MGAT5B: variants seen among roughly 807,000 people sequenced by gnomAD.
MGAT5B encodes the protein alpha-1,6-mannosylglycoprotein 6-beta-N-acetylglucosaminyltransferase B, also known as N-acetylglucosaminyl-transferase Vb.
A neutral mutation model predicts 95.1 loss-of-function variants in MGAT5B; 54 were observed. That is an observed-to-expected ratio of 0.57 (90% CI 0.46 to 0.71). The LOEUF (loss-of-function observed/expected upper bound fraction) is 0.71. Among genes scored for constraint, MGAT5B ranks in the 30% least tolerant of loss-of-function variants. MGAT5B has a pLI of 0.00. For synonymous variants in MGAT5B, 464 were observed against 451.0 expected (o/e 1.03, Z -0.36); for missense variants, 935 against 1,088.6 (o/e 0.86, Z 1.99).
chr17:76,934,301 G>T (rs564487513), intron 12 of MGAT5B, among the ~76,000 whole-genome samples: 1 of 152,200 alleles, frequency 6.6e-6, no homozygotes, highest in Admixed American at 6.5e-5. Context: ...GGACACCAGG[G>T]CACAGTGGGT....
In MGAT5B at chr17:76,918,292, C is replaced by T. The variant is rs1437274981; in HGVS notation, c.1026-6674C>T. On this transcript the variant is annotated intron_variant, in intron 8 of 17. Transcript: ENST00000569840. The surrounding 1 kb of genome is among the most constrained non-coding windows in gnomAD (Gnocchi z 5.1). Reference sequence around the variant, plus strand: ...CTGTGCCTCCATCTGCCTTTGGACTCCCTTTTCCTCTGAGCCAGGGACCCT... The same window carrying T: ...CTGTGCCTCCATCTGCCTTTGGACTTCCTTTTCCTCTGAGCCAGGGACCCT... Among the ~76,000 whole-genome samples, 2 of 151,756 alleles carry T rather than the reference C, an allele frequency of 1.3e-5. No individual in the cohort carries two copies. The highest frequency in any genetic ancestry group is 2.9e-5 in the Non-Finnish European group (2 of 68,022).
chr17:76,892,793 G>A (rs1218309323), intron 3 of MGAT5B, among the ~76,000 whole-genome samples: 1 of 152,228 alleles, frequency 6.6e-6, no homozygotes, highest in Non-Finnish European at 1.5e-5. Context: ...GCCCAGTGAT[G>A]TTATGGGGGC....
At chr17:76,933,327 CT>C (rs1205906486) in intron 12 of MGAT5B, 30 bp downstream of exon 12, 4 of 1,598,074 alleles carry the variant, frequency 2.5e-6, no homozygotes, top group Non-Finnish European at 3.4e-6. Flanking sequence ...CCTGCCCCCT[CT>C]ACCCTCTGCT....
intron 3 of MGAT5B, among the ~76,000 whole-genome samples, chr17:76,895,257 T>C (rs1012623417): frequency 6.6e-6 from 1 of 151,924 alleles, no homozygotes; most frequent in Non-Finnish European, 1.5e-5. Context: ...AATGGGACCA[T>C]CTAGTTGCAG....
chr17:76,869,118 G>C lies in MGAT5B; in HGVS notation c.68+21G>C, dbSNP rs200686681. 17 of 1,612,396 alleles carry C rather than the reference G, an allele frequency of 1.1e-5. No individual in the cohort carries two copies. Among genetic ancestry groups the C allele is most frequent in the South Asian group, 2.2e-5 (2 of 91,030 alleles). ...TTTCGGTAAAGTTCCCTCCTGGTTGGTTTTTTCCCCAGGGGGGCGCCGGGT... is the reference window on the plus strand; with the variant it reads ...TTTCGGTAAAGTTCCCTCCTGGTTGCTTTTTTCCCCAGGGGGGCGCCGGGT... On this transcript the variant is annotated intron_variant, in intron 1 of 17. Coordinates refer to ENST00000569840, the MANE Select transcript of MGAT5B (RefSeq NM_001199172.2). This position sits in a 1 kb window ranked among gnomAD's most constrained non-coding sequence, Gnocchi z 7.0.
chr17:76,931,061 A>G (rs1385302639), intron 10 of MGAT5B, among the ~76,000 whole-genome samples: 1 of 152,230 alleles, frequency 6.6e-6, no homozygotes, highest in East Asian at 1.9e-4. Context: ...TGAACAAAAC[A>G]GAACCATTGT....
rs1568159926 is a variant in MGAT5B at position 76,872,926 on chromosome 17, G to A, written c.144G>A (p.Arg48=). ...MTSLGGQFSA[R]RLGDSPFTIR... is the part of the protein sequence containing the mutation. ...CTCTGGGAGGCCAGTTCTCGGCCCGGCGCCTGGGGGACTCGCCATTCACCA... is the reference window on the plus strand; with the variant it reads ...CTCTGGGAGGCCAGTTCTCGGCCCGACGCCTGGGGGACTCGCCATTCACCA... Residue 48 remains arginine, a synonymous_variant, in exon 2 of 18, where the codon CGG becomes CGA. Coordinates refer to ENST00000569840, the MANE Select transcript of MGAT5B (RefSeq NM_001199172.2). The A allele has an allele frequency of 6.2e-7, 1 of 1,614,156 alleles. No individual in the cohort carries two copies. Among genetic ancestry groups the A allele is most frequent in the Non-Finnish European group, 8.5e-7 (1 of 1,180,050 alleles).
chr17:76,947,716 G>A (rs1430147102), intron 16 of MGAT5B, 114 bp from the exon 17 acceptor site: 1 of 1,406,082 alleles, frequency 7.1e-7, no homozygotes, highest in Non-Finnish European at 9.3e-7. Flanking sequence ...CTGGTATTCA[G>A]TAAGCGCCCA....
Position 76,918,473 on chromosome 17 carries a change from G to A in MGAT5B, c.1026-6493G>A, listed in dbSNP as rs1969021257. ...AAGCAACTCTGGGCTGCTTCTGTTG[G>A]GTACAGGGAGGTCAGTCCATCCTGG... On this transcript the variant is annotated intron_variant, in intron 8 of 17. Transcript: ENST00000569840. This position sits in a 1 kb window ranked among gnomAD's most constrained non-coding sequence, Gnocchi z 5.1. 6.6e-6 allele frequency among the ~76,000 whole-genome samples: 1 copy of A among 152,214 alleles called. No homozygotes were observed. Among genetic ancestry groups the A allele is most frequent in the African/African-American group, 2.4e-5 (1 of 41,468 alleles).
Position 76,872,971 on chromosome 17 carries a change from G to A in MGAT5B, c.181+8G>A, listed in dbSNP as rs774485092. The A allele has an allele frequency of 6.2e-7, 1 of 1,613,000 alleles. No individual in the cohort carries two copies. On this transcript the variant is annotated splice_region_variant and intron_variant, in intron 2 of 17. Transcript: ENST00000569840. ...TCACCATCCGCACAGAAGGTACCTT[G>A]GTGGGGCAAGGGGAGTGTGAGATGA... is the stretch of plus-strand genomic sequence containing the variant.
In MGAT5B at chr17:76,894,152, C is replaced by T. The variant is rs75889663; in HGVS notation, c.330-8403C>T. Among the ~76,000 whole-genome samples, 20 of 152,288 alleles carry T rather than the reference C, an allele frequency of 1.3e-4. No homozygotes were observed. In the East Asian group the frequency reaches 3.1e-3, roughly 24 times the overall value. On this transcript the variant is annotated intron_variant, in intron 3 of 17. Transcript: ENST00000569840. ...TGTCCAGGCATTCATTAGGGCCACC[C>T]GGCTCCCTGTTCCCCCGCCAGGAAC... is the stretch of plus-strand genomic sequence containing the variant.
chr17:76,908,890 T>A (rs1428095365), intron 8 of MGAT5B, among the ~76,000 whole-genome samples: 5 of 151,168 alleles, frequency 3.3e-5, no homozygotes, highest in Admixed American at 3.3e-4. Flanking sequence ...CACTGCAACC[T>A]CTGCCTCCCG....
rs1369580130 is a variant in MGAT5B, at chr17:76,906,766, G to A, written c.1025+579G>A. 8.5e-5 allele frequency among the ~76,000 whole-genome samples: 13 copies of A among 152,076 alleles called. No homozygotes were observed. The highest frequency in any genetic ancestry group is 7.9e-4 in the Admixed American group (12 of 15,266). On this transcript the variant is annotated intron_variant, in intron 8 of 17. Transcript: ENST00000569840. The surrounding 1 kb of genome is among the most constrained non-coding windows in gnomAD (Gnocchi z 4.6). ...AGGCTGAGAGTGTGGGGATGTCAAG[G>A]GGGTAAGAGTGTGTGATTGGGTTTA...
chr17:76,907,983 C>G (rs1281023462), intron 8 of MGAT5B, among the ~76,000 whole-genome samples: 1 of 151,898 alleles, frequency 6.6e-6, no homozygotes, highest in Non-Finnish European at 1.5e-5. Context: ...GATGAGATGC[C>G]CATTGATATG....
intron 12 of MGAT5B, among the ~76,000 whole-genome samples, chr17:76,937,141 G>A (rs185139859): frequency 3.9e-5 from 6 of 152,086 alleles, no homozygotes; most frequent in Admixed American, 2.6e-4. Context: ...TAGCAATCTC[G>A]GATCACCTTG....
At chr17:76,904,198 C>G (rs1968430117) in intron 5 of MGAT5B, 54 bp from the exon 6 acceptor site, 6 of 1,537,906 alleles carry the variant, frequency 3.9e-6, no homozygotes, top group Non-Finnish European at 5.2e-6. Context: ...GGGGGAGTCC[C>G]CGAGGGTCAG....
intron 3 of MGAT5B, 61 bp from the exon 4 acceptor site, chr17:76,902,494 A>T: frequency 7.8e-7 from 1 of 1,278,714 alleles, no homozygotes; most frequent in Non-Finnish European, 1.1e-6. Flanking sequence ...TACTGGCAGG[A>T]CCCTCATGGG....
In MGAT5B at chr17:76,916,463, A is replaced by G. The variant is rs1329619354; in HGVS notation, c.1026-8503A>G. Among the ~76,000 whole-genome samples the G allele has an allele frequency of 6.6e-6, 1 of 152,134 alleles. No homozygotes were observed. The highest frequency in any genetic ancestry group is 1.9e-4 in the East Asian group (1 of 5,176). ...GCTGGCCCTCATGAGAGATCCATGC[A>G]CCCCAGGTGGAGTGGGGAGAACTTG... On this transcript the variant is annotated intron_variant, in intron 8 of 17. Coordinates refer to ENST00000569840, the MANE Select transcript of MGAT5B (RefSeq NM_001199172.2). The surrounding 1 kb of genome is among the most constrained non-coding windows in gnomAD (Gnocchi z 5.3).
At chr17:76,880,982 G>A (rs964111081) in intron 2 of MGAT5B, among the ~76,000 whole-genome samples, 1 of 152,148 alleles carries the variant, frequency 6.6e-6, no homozygotes, top group Non-Finnish European at 1.5e-5. Context: ...TGGGAGCATC[G>A]AAGGTTCATG....
Sources: gnomAD v4.1 joint callset for allele counts (sites outside exome capture counted in the v4.1 genomes callset) on GRCh38, gnomAD v4.1.1 for gene constraint, Gnocchi (gnomAD v3.1) non-coding constraint, MANE v1.5 for transcripts, NCBI Gene and HGNC (gene_info 2026-07-23, HGNC 2026-07-21) for gene names.